ADGRL3: variants seen among roughly 807,000 people sequenced by gnomAD.
ADGRL3 encodes adhesion G protein-coupled receptor L3.
A neutral mutation model predicts 153.5 loss-of-function variants in ADGRL3; 62 were observed. That is an observed-to-expected ratio of 0.40 (90% confidence interval 0.33 to 0.50). The LOEUF is 0.50. Ranked by LOEUF, ADGRL3 falls within the 20% of genes least tolerant of loss-of-function variation. The pLI is 0.47. For synonymous variants in ADGRL3, 710 were observed against 672.5 expected (o/e 1.06, Z -0.86); for missense variants, 1,641 against 1,859.4 (o/e 0.88, Z 2.16).
intron 5 of ADGRL3, among the ~76,000 whole-genome samples, chr4:61,591,814 C>T (rs1014671820): frequency 1.3e-5 from 2 of 151,930 alleles, no homozygotes; most frequent in Non-Finnish European, 2.9e-5. Context: ...CTGTGGCTCA[C>T]ACCTGTAATC....
Position 61,518,546 on chromosome 4 carries a change from G to A in ADGRL3, c.259+1028G>A, listed in dbSNP as rs111355825. Among the ~76,000 whole-genome samples, 111 of 152,298 alleles carry A rather than the reference G, an allele frequency of 7.3e-4. 1 individual carries two copies. The highest frequency in any genetic ancestry group is 2.6e-3 in the African/African-American group (106 of 41,562). ...AGGGAGGTGCATCATTAATCCATTT[G>A]AGATTTGAGAGACCCGTGAGAGTTA... On this transcript the variant is annotated intron_variant, in intron 4 of 26. Coordinates refer to ENST00000683033, the MANE Select transcript of ADGRL3 (RefSeq NM_001387552.1).
chr4:61,322,659 T>C (rs966189871), intron 1 of ADGRL3, among the ~76,000 whole-genome samples: 9 of 152,220 alleles, frequency 5.9e-5, no homozygotes, highest in African/African-American at 2.2e-4. Flanking sequence ...TGATCTCCTT[T>C]GACTCCATGT....
chr4:61,284,523 G>C (rs570833401), intron 1 of ADGRL3, among the ~76,000 whole-genome samples: 62 of 151,954 alleles, frequency 4.1e-4, no homozygotes, highest in African/African-American at 1.5e-3. Flanking sequence ...AGCACCTACT[G>C]TTTACCAAGG....
chr4:61,770,922 G>A (rs971049233), intron 8 of ADGRL3, among the ~76,000 whole-genome samples: 5 of 152,170 alleles, frequency 3.3e-5, no homozygotes, highest in African/African-American at 1.2e-4. Flanking sequence ...TTCCTCCTTA[G>A]CTCAACTAGA....
intron 1 of ADGRL3, among the ~76,000 whole-genome samples, chr4:61,316,439 G>A (rs2095216950): frequency 1.3e-5 from 2 of 152,158 alleles, no homozygotes; most frequent in Admixed American, 1.3e-4. Context: ...TTGGTCAAAA[G>A]TAGTCATGGT....
chr4:61,737,349 T>TA (rs1284567171), intron 8 of ADGRL3, among the ~76,000 whole-genome samples: 1 of 152,124 alleles, frequency 6.6e-6, no homozygotes, highest in Non-Finnish European at 1.5e-5. Flanking sequence ...ATGTCTCCTG[T>TA]AAAAAGATCT....
rs567399745 is a variant in ADGRL3, at chr4:61,466,167, T to C, written c.-173-30954T>C. ...TAAATAAATAAACAAACAATCCAAC[T>C]CACTTTTAATGTGAAAACTTGAGAG... On this transcript the variant is annotated intron_variant, in intron 2 of 26. Transcript: ENST00000683033. Among the ~76,000 whole-genome samples, 5 of 152,120 alleles carry C rather than the reference T, an allele frequency of 3.3e-5. No homozygotes were observed. In the South Asian group the frequency reaches 1.0e-3, roughly 32 times the overall value.
At chr4:62,006,030 ATATTTT>A (rs1560495344) in intron 21 of ADGRL3, among the ~76,000 whole-genome samples, 1 of 80,274 alleles carries the variant, frequency 1.2e-5, no homozygotes, top group African/African-American at 4.6e-5. Flanking sequence ...ATATATATAT[ATATTTT>A]TTTTTTTTTT....
intron 1 of ADGRL3, among the ~76,000 whole-genome samples, chr4:61,289,748 G>T: frequency 6.6e-6 from 1 of 152,048 alleles, no homozygotes; most frequent in East Asian, 1.9e-4. Flanking sequence ...AAAAGCCAAA[G>T]TAGGGATTCT....
At chr4:62,010,944 G>C (rs1367549547) in intron 21 of ADGRL3, among the ~76,000 whole-genome samples, 1 of 152,044 alleles carries the variant, frequency 6.6e-6, no homozygotes, top group Non-Finnish European at 1.5e-5. Flanking sequence ...TCAAAACCAA[G>C]TTCATATCTT....
intron 4 of ADGRL3, among the ~76,000 whole-genome samples, chr4:61,555,647 G>C (rs565822220): frequency 6.6e-6 from 1 of 152,100 alleles, no homozygotes; most frequent in Non-Finnish European, 1.5e-5. Flanking sequence ...ATCTCAGGGC[G>C]AGTCTGTAAA....
intron 5 of ADGRL3, among the ~76,000 whole-genome samples, chr4:61,638,493 T>C (rs1454941462): frequency 6.6e-6 from 1 of 152,288 alleles, no homozygotes; most frequent in Non-Finnish European, 1.5e-5. Context: ...GTTTTTGGTA[T>C]GTAATTTGCA....
intron 24 of ADGRL3, among the ~76,000 whole-genome samples, chr4:62,042,597 G>A (rs528024221): frequency 5.3e-4 from 80 of 151,826 alleles, no homozygotes; most frequent in African/African-American, 1.9e-3. Context: ...TAGGAGATGA[G>A]ATAATGGGGA....
At chr4:61,235,240 A>G (rs909069399) in intron 1 of ADGRL3, among the ~76,000 whole-genome samples, 6 of 152,090 alleles carry the variant, frequency 3.9e-5, no homozygotes. Context: ...CTCAGTAGAT[A>G]TGTATTAAAT....
At chr4:61,662,342 C>T (rs2094624080) in intron 5 of ADGRL3, among the ~76,000 whole-genome samples, 1 of 152,218 alleles carries the variant, frequency 6.6e-6, no homozygotes, top group African/African-American at 2.4e-5. Flanking sequence ...ACCCTTTGCC[C>T]CTGCAGGCTT....
chr4:62,055,653 A>C (rs1370517974), intron 25 of ADGRL3, among the ~76,000 whole-genome samples: 1 of 151,798 alleles, frequency 6.6e-6, no homozygotes, highest in Non-Finnish European at 1.5e-5. Flanking sequence ...GAAAGGTGTC[A>C]TGTAGATTCT....
chr4:61,272,512 C>T (rs2093247278), intron 1 of ADGRL3, among the ~76,000 whole-genome samples: 1 of 151,946 alleles, frequency 6.6e-6, no homozygotes, highest in African/African-American at 2.4e-5. Context: ...TATGAGCATT[C>T]ATTTTAAATT....
chr4:61,954,399 T>C (rs1452422829), intron 17 of ADGRL3, among the ~76,000 whole-genome samples: 1 of 151,956 alleles, frequency 6.6e-6, no homozygotes, highest in Non-Finnish European at 1.5e-5. Context: ...GTTTCCCTCT[T>C]TGTTTCTCTT....
intron 18 of ADGRL3, among the ~76,000 whole-genome samples, chr4:61,982,805 T>C (rs1354446938): frequency 1.3e-5 from 2 of 152,188 alleles, no homozygotes; most frequent in Admixed American, 1.3e-4. Context: ...CCATGAATTT[T>C]CCAACACCAC....
Sources: gnomAD v4.1 joint callset for allele counts (sites outside exome capture counted in the v4.1 genomes callset) on GRCh38, gnomAD v4.1.1 for gene constraint, MANE v1.5 for transcripts, NCBI Gene and HGNC (gene_info 2026-07-23, HGNC 2026-07-21) for gene names.